Variants in TAB2 observed in about 807,000 individuals in gnomAD.
TAB2 encodes TGF-beta activated kinase 1 (MAP3K7) binding protein 2.
TAB2 carries 3 observed loss-of-function variants against 65.0 expected under a neutral mutation model. The ratio of observed to expected loss-of-function variants is 0.05; its 90% CI spans 0.02 to 0.12. TAB2 has a LOEUF of 0.12. TAB2 is among the 10% of genes least tolerant of loss of function. The pLI, the probability that TAB2 is intolerant of heterozygous loss-of-function variation, is 1.00. For missense variants in TAB2, 623 were observed against 840.3 expected, an observed-to-expected ratio of 0.74 and a Z score of 3.20; for synonymous variants, 298 against 285.1, an observed-to-expected ratio of 1.05 and a Z score of -0.46.
At position 149,389,261 on chromosome 6, in the gene TAB2, T is replaced by C. The variant is rs375355125; in HGVS notation, c.1604-8343T>C. Among the ~76,000 whole-genome samples, 257 of 150,970 alleles carry C rather than the reference T, an allele frequency of 1.7e-3. 1 individual carries two copies. Among genetic ancestry groups the C allele is most frequent in the African/African-American group, 5.9e-3 (243 of 41,224 alleles). Reference sequence around the variant, plus strand: ...GAGCCACTGCACCCAGCCCCAGAAATCTTACCGTTATTTTCTCTTTAGTAT... The same window carrying C: ...GAGCCACTGCACCCAGCCCCAGAAACCTTACCGTTATTTTCTCTTTAGTAT... On this transcript the variant is annotated intron_variant, in intron 3 of 6. Transcript: ENST00000637181.
intron 3 of TAB2, among the ~76,000 whole-genome samples, chr6:149,394,441 C>T (rs533403681): frequency 5.9e-5 from 9 of 152,190 alleles, no homozygotes; most frequent in South Asian, 2.1e-4. Flanking sequence ...CTGTTGATCA[C>T]TTTATCTCTT....
chr6:149,259,374 T>TAC (rs1160557383), intron 1 of TAB2, among the ~76,000 whole-genome samples: 1 of 92,242 alleles, frequency 1.1e-5, no homozygotes, highest in Non-Finnish European at 2.2e-5. Context: ...CACACACACA[T>TAC]ACACACAATC....
At chr6:149,398,970 C>T (rs754187300) in intron 5 of TAB2, 134 bp from the exon 6 acceptor site, 137 of 722,928 alleles carry the variant, frequency 1.9e-4, no homozygotes, top group Non-Finnish European at 2.8e-4. Flanking sequence ...ACATATAATT[C>T]GAGGTTAGAG....
intron 1 of TAB2, among the ~76,000 whole-genome samples, chr6:149,249,160 A>G (rs1460612185): frequency 2.7e-5 from 2 of 74,628 alleles, no homozygotes; most frequent in Non-Finnish European, 5.2e-5. Flanking sequence ...ACATACACAC[A>G]CACACACACG....
chr6:149,249,168 AC>A (rs760482331), intron 1 of TAB2, among the ~76,000 whole-genome samples: 230 of 52,652 alleles, frequency 4.4e-3, no homozygotes, highest in Non-Finnish European at 5.6e-3. Flanking sequence ...ACACACACAC[AC>A]GCACACACAC....
intron 1 of TAB2, among the ~76,000 whole-genome samples, chr6:149,334,056 G>A (rs1162709906): frequency 6.6e-6 from 1 of 151,932 alleles, no homozygotes; most frequent in African/African-American, 2.4e-5. Context: ...GTAAATGTAA[G>A]CTATTAATAG....
chr6:149,338,761 GGT>G (rs775094142), intron 1 of TAB2, among the ~76,000 whole-genome samples: 12 of 152,154 alleles, frequency 7.9e-5, no homozygotes, highest in Admixed American at 1.3e-4. Context: ...CGATTGGAAA[GGT>G]GTGCCTAAAT....
chr6:149,325,825 G>C (rs1023985869), intron 1 of TAB2, among the ~76,000 whole-genome samples: 8 of 152,102 alleles, frequency 5.3e-5, no homozygotes, highest in Non-Finnish European at 1.0e-4. Flanking sequence ...CTGAAGTCTT[G>C]ACCTCCCAGG....
intron 1 of TAB2, among the ~76,000 whole-genome samples, chr6:149,304,796 T>C (rs764210206): frequency 3.3e-5 from 5 of 152,116 alleles, no homozygotes; most frequent in African/African-American, 4.8e-5. Flanking sequence ...CCTGGGAGGA[T>C]TGGTTCCAAG....
At chr6:149,276,702 T>C (rs1418587458) in intron 1 of TAB2, among the ~76,000 whole-genome samples, 2 of 152,218 alleles carry the variant, frequency 1.3e-5, no homozygotes, top group Non-Finnish European at 2.9e-5. Context: ...GGCACCTTCA[T>C]ACATTGTTGT....
chr6:149,361,684 C>T (rs778479544), intron 1 of TAB2, among the ~76,000 whole-genome samples: 1 of 152,226 alleles, frequency 6.6e-6, no homozygotes, highest in Non-Finnish European at 1.5e-5. Flanking sequence ...TTTTCTTTCT[C>T]TGCCACATGG....
At chr6:149,380,949 C>T (rs1047795835) in intron 3 of TAB2, among the ~76,000 whole-genome samples, 2 of 152,136 alleles carry the variant, frequency 1.3e-5, no homozygotes, top group Non-Finnish European at 2.9e-5. Context: ...ATTCATGGAG[C>T]TTTAAAAAAT....
At chr6:149,350,898 C>T (rs928520345) in intron 1 of TAB2, among the ~76,000 whole-genome samples, 1 of 152,054 alleles carries the variant, frequency 6.6e-6, no homozygotes, top group Non-Finnish European at 1.5e-5. Flanking sequence ...TTAGCATTAG[C>T]GTATCTCAAG....
At chr6:149,400,763 G>T in intron 6 of TAB2, 3 of 1,456,038 alleles carry the variant, frequency 2.1e-6, no homozygotes, top group Non-Finnish European at 2.8e-6. Flanking sequence ...CTGCAATTTG[G>T]TTCCACCACA....
intron 1 of TAB2, among the ~76,000 whole-genome samples, chr6:149,341,087 G>GT (rs1323076428): frequency 1.3e-5 from 2 of 151,818 alleles, no homozygotes; most frequent in African/African-American, 4.8e-5. Context: ...TTGCTTTTAT[G>GT]TTTTTTTAAA....
chr6:149,357,433 A>ACACC, intron 1 of TAB2, among the ~76,000 whole-genome samples: 2 of 138,718 alleles, frequency 1.4e-5, no homozygotes, highest in African/African-American at 2.8e-5. Context: ...AAAAAAAAAC[A>ACACC]CACACACACA....
chr6:149,271,763 T>C (rs1389597532), intron 1 of TAB2, among the ~76,000 whole-genome samples: 2 of 152,094 alleles, frequency 1.3e-5, no homozygotes, highest in Non-Finnish European at 2.9e-5. Context: ...GGAGGTGTGG[T>C]AACTAAAATC....
In TAB2 at chr6:149,339,604, T is replaced by TTTTG. The variant is rs1491369397; in HGVS notation, c.-90+21589_-90+21590insTTTG. Among the ~76,000 whole-genome samples, 39 of 61,086 alleles carry TTTTG rather than the reference T, an allele frequency of 6.4e-4. 2 individuals are homozygous for TTTTG. The highest frequency in any genetic ancestry group is 1.9e-3 in the African/African-American group (37 of 19,038). The allele number at this position is 61,086 out of a possible 152,430, so 40.1% of individuals were successfully genotyped here. A position where few individuals can be genotyped will look rare whatever the true frequency, so the allele number is the denominator to read the frequency against. On this transcript the variant is annotated intron_variant, in intron 1 of 6. Coordinates refer to ENST00000637181, the MANE Select transcript of TAB2 (RefSeq NM_001292034.3). ...AATCTTTTTTATTTATTTATTTATT[T>TTTTG]ATTTTTTTTTTTTTTTGAGACGGAG... is the stretch of plus-strand genomic sequence containing the variant.
chr6:149,336,150 C>T (rs1473614832), intron 1 of TAB2, among the ~76,000 whole-genome samples: 1 of 152,154 alleles, frequency 6.6e-6, no homozygotes, highest in Non-Finnish European at 1.5e-5. Flanking sequence ...CAGTGCCTGG[C>T]ACGTAGTAGT....
Sources: allele counts gnomAD v4.1 joint callset (sites outside exome capture counted in the v4.1 genomes callset), GRCh38; gene constraint gnomAD v4.1.1; transcripts MANE v1.5; gene names NCBI Gene and HGNC (gene_info 2026-07-23, HGNC 2026-07-21).